MAML2: variants seen among roughly 807,000 people sequenced by gnomAD.
MAML2 encodes mastermind-like protein 2.
A neutral mutation model predicts 96.1 loss-of-function variants in MAML2; 22 were observed. The ratio of observed to expected loss-of-function variants is 0.23; its 90% CI spans 0.16 to 0.33. The LOEUF is 0.33. Ranked by LOEUF, MAML2 falls within the 10% of genes least tolerant of loss-of-function variation. MAML2 has a pLI of 1.00. For synonymous variants in MAML2, 561 were observed against 521.3 expected (o/e 1.08, Z -1.04); for missense variants, 1,367 against 1,392.4 (o/e 0.98, Z 0.29).
At chr11:96,286,411 AACC>A (rs1863140740) in intron 1 of MAML2, among the ~76,000 whole-genome samples, 1 of 152,160 alleles carries the variant, frequency 6.6e-6, no homozygotes, top group South Asian at 2.1e-4. Context: ...CTGTGCAGCA[AACC>A]ACCATGGCAC....
intron 1 of MAML2, among the ~76,000 whole-genome samples, chr11:96,236,136 C>G (rs1862364236): frequency 6.6e-6 from 1 of 152,212 alleles, no homozygotes; most frequent in Non-Finnish European, 1.5e-5. Context: ...AGAAATGGGG[C>G]TGCTCACTGT....
At chr11:96,101,096 G>C (rs1859921340) in intron 1 of MAML2, among the ~76,000 whole-genome samples, 1 of 152,084 alleles carries the variant, frequency 6.6e-6, no homozygotes, top group African/African-American at 2.4e-5. Context: ...TATAGAAGCA[G>C]GAGCAATGCA....
chr11:96,338,346 G>T (rs1331515425), intron 1 of MAML2, among the ~76,000 whole-genome samples: 1 of 152,258 alleles, frequency 6.6e-6, no homozygotes, highest in African/African-American at 2.4e-5. Flanking sequence ...CAGCAGCGGG[G>T]CTTCCCCTGA....
intron 2 of MAML2, among the ~76,000 whole-genome samples, chr11:96,050,598 G>C (rs1045936568): frequency 1.3e-5 from 2 of 152,148 alleles, no homozygotes; most frequent in African/African-American, 4.8e-5. Flanking sequence ...TGTCAACTAT[G>C]TTACTAGGCA....
intron 1 of MAML2, among the ~76,000 whole-genome samples, chr11:96,253,696 A>G (rs745554150): frequency 2.6e-5 from 4 of 152,222 alleles, no homozygotes; most frequent in Non-Finnish European, 5.9e-5. Context: ...CACATGTTTT[A>G]AATGATTCAT....
intron 1 of MAML2, among the ~76,000 whole-genome samples, chr11:96,232,714 G>A (rs1243996938): frequency 6.6e-6 from 1 of 152,112 alleles, no homozygotes; most frequent in African/African-American, 2.4e-5. Flanking sequence ...CTCGCGATCC[G>A]CCTATCTCAG....
intron 1 of MAML2, among the ~76,000 whole-genome samples, chr11:96,252,075 C>T (rs1233294735): frequency 6.6e-6 from 1 of 152,102 alleles, no homozygotes; most frequent in Non-Finnish European, 1.5e-5. Flanking sequence ...AAAGACACTC[C>T]TGGTTGTATG....
At chr11:96,175,217 T>C (rs1182241115) in intron 1 of MAML2, among the ~76,000 whole-genome samples, 1 of 152,230 alleles carries the variant, frequency 6.6e-6, no homozygotes, top group Non-Finnish European at 1.5e-5. Context: ...TTTACCATCC[T>C]TGCAAGAATA....
intron 2 of MAML2, among the ~76,000 whole-genome samples, chr11:96,028,869 C>T (rs1858566549): frequency 1.3e-5 from 2 of 152,096 alleles, no homozygotes; most frequent in South Asian, 4.1e-4. Context: ...TCAATAGTAA[C>T]ATCCTATATT....
At chr11:96,156,165 C>T (rs376494649) in intron 1 of MAML2, among the ~76,000 whole-genome samples, 2 of 152,292 alleles carry the variant, frequency 1.3e-5, no homozygotes, top group Non-Finnish European at 1.5e-5. Flanking sequence ...GACTCTCTCC[C>T]CCAACCACAC....
At chr11:96,173,006 C>T (rs534503723) in intron 1 of MAML2, among the ~76,000 whole-genome samples, 1 of 152,338 alleles carries the variant, frequency 6.6e-6, no homozygotes, top group African/African-American at 2.4e-5. Flanking sequence ...GATTCTACTT[C>T]CTTCCTAATA....
At chr11:96,146,462 C>CA (rs1860822190) in intron 1 of MAML2, among the ~76,000 whole-genome samples, 2 of 152,198 alleles carry the variant, frequency 1.3e-5, no homozygotes, top group African/African-American at 4.8e-5. Context: ...CCATGGGACT[C>CA]AGAGTCAGAA....
intron 1 of MAML2, among the ~76,000 whole-genome samples, chr11:96,301,081 T>A (rs919852555): frequency 7.2e-5 from 11 of 152,220 alleles, no homozygotes; most frequent in African/African-American, 2.7e-4. Context: ...ATGGTTTGGA[T>A]AAGTCCGTTG....
chr11:96,245,679 G>T (rs950756474), intron 1 of MAML2, among the ~76,000 whole-genome samples: 12 of 148,356 alleles, frequency 8.1e-5, no homozygotes, highest in Non-Finnish European at 1.3e-4. Context: ...CTATTTCTAT[G>T]TTCACCTGAA....
intron 2 of MAML2, 51 bp downstream of exon 2, chr11:96,091,841 C>T: frequency 1.3e-6 from 2 of 1,567,788 alleles, no homozygotes; most frequent in Admixed American, 1.8e-5. Flanking sequence ...GCATAAAGAT[C>T]AAGCTAAATG....
intron 1 of MAML2, among the ~76,000 whole-genome samples, chr11:96,141,401 T>C (rs1186521863): frequency 6.6e-6 from 1 of 152,202 alleles, no homozygotes; most frequent in East Asian, 1.9e-4. Context: ...AGATTCCCTA[T>C]GCACAGATAG....
chr11:96,310,188 C>G (rs1303716243), intron 1 of MAML2, among the ~76,000 whole-genome samples: 2 of 151,656 alleles, frequency 1.3e-5, no homozygotes, highest in African/African-American at 4.8e-5. Context: ...AAGAAGCCTA[C>G]TATAAAAAAA....
rs1261653166 is a variant in MAML2, at chr11:96,341,394, C to G, written c.502G>C (p.Ala168Pro). The change falls in exon 1 of 5, where the codon GCC (alanine) becomes CCC (proline). Residue 168 changes from alanine to proline, a missense_variant. Ala to Pro is a conservative substitution (Grantham distance 27). Transcript: ENST00000524717. Reference protein sequence around the residue: ...ASTPGDQRNSALIALQGSLKR... With the variant: ...ASTPGDQRNSPLIALQGSLKR... ...AGCCAGGTGCTTACCGCAATCAGGGCTGAGTTCCTCTGGTCCCCTGGGGTT... is the reference window on the plus strand; with the variant it reads ...AGCCAGGTGCTTACCGCAATCAGGGGTGAGTTCCTCTGGTCCCCTGGGGTT... 1 of 1,528,482 alleles carries G rather than the reference C, an allele frequency of 6.5e-7. No individual in the cohort carries two copies. Among genetic ancestry groups the G allele is most frequent in the Non-Finnish European group, 8.8e-7 (1 of 1,133,650 alleles). The allele number at this position is 1,528,482 out of a possible 1,614,324, so 94.7% of individuals were successfully genotyped here. A position where few individuals can be genotyped will look rare whatever the true frequency, so the allele number is the denominator to read the frequency against.
chr11:96,214,064 T>A (rs927756896), intron 1 of MAML2, among the ~76,000 whole-genome samples: 2 of 152,236 alleles, frequency 1.3e-5, no homozygotes, highest in East Asian at 3.8e-4. Flanking sequence ...TAAAATATAT[T>A]TTGTATGTAT....
Sources: allele counts gnomAD v4.1 joint callset (sites outside exome capture counted in the v4.1 genomes callset), GRCh38; gene constraint gnomAD v4.1.1; transcripts MANE v1.5; gene names NCBI Gene and HGNC (gene_info 2026-07-23, HGNC 2026-07-21).